Variants in TRIM66 observed in about 807,000 individuals in gnomAD.
TRIM66 encodes tripartite motif-containing protein 66.
A neutral mutation model predicts 148.2 loss-of-function variants in TRIM66; 99 were observed. The observed-to-expected ratio is 0.67, with a 90% CI of 0.57 to 0.79. The LOEUF (loss-of-function observed/expected upper bound fraction) is 0.79. TRIM66 is among the 30% of genes least tolerant of loss of function. The pLI is 0.00. For synonymous variants in TRIM66, 616 were observed against 635.9 expected (o/e 0.97, Z 0.47); for missense variants, 1,666 against 1,697.9 (o/e 0.98, Z 0.33).
chr11:8,676,234 C>CA (rs1341039579), intron 3 of TRIM66, among the ~76,000 whole-genome samples: 3 of 141,840 alleles, frequency 2.1e-5, no homozygotes, highest in Non-Finnish European at 3.1e-5. Context: ...AGGTAAACTT[C>CA]TTTTTTTTTT....
At chr11:8,674,694 A>T (rs2039097521) in intron 4 of TRIM66, 112 bp downstream of exon 4, 1 of 152,220 alleles carries the variant, frequency 6.6e-6, no homozygotes, top group African/African-American at 2.4e-5. Flanking sequence ...CCTAAAAAAA[A>T]AAAATCAACT....
At chr11:8,680,101 T>C (rs563147441) in intron 1 of TRIM66, 38 bp from the exon 2 acceptor site, 1 of 152,254 alleles carries the variant, frequency 6.6e-6, no homozygotes, top group Non-Finnish European at 1.5e-5. Flanking sequence ...CCTTAAAGGT[T>C]GAGGAAGATT....
chr11:8,656,590 G>A (rs974076144), intron 6 of TRIM66, among the ~76,000 whole-genome samples: 4 of 152,170 alleles, frequency 2.6e-5, no homozygotes, highest in Admixed American at 2.0e-4. Context: ...AACACTTCTG[G>A]TCCTTGAGAG....
Position 8,638,712 on chromosome 11 carries a change from A to C in TRIM66, c.2252T>G (p.Leu751Arg). ...LPQASGEETPLSVPPVDSTIQ... is the reference protein window; with the variant it reads ...LPQASGEETPRSVPPVDSTIQ... Reference sequence around the variant, plus strand: ...GGTGCTGTCCACTGGGGGGACACTGAGAGGGGTTTCTTCCCCAGACGCCTG... The same window carrying C: ...GGTGCTGTCCACTGGGGGGACACTGCGAGGGGTTTCTTCCCCAGACGCCTG... Residue 751 changes from leucine (L) to arginine (R), a missense_variant, in exon 15 of 25, where the codon CTC becomes CGC. Leu to Arg is a moderately radical substitution (Grantham distance 102, BLOSUM62 -2). Around this residue, in one of 3 missense-constraint regions of TRIM66, gnomAD observed 1,431 missense variants for 1,412.4 expected, o/e 1.01. Transcript: ENST00000646038. 1 of 1,549,616 alleles carries C rather than the reference A, an allele frequency of 6.5e-7. No individual in the cohort carries two copies. The highest frequency in any genetic ancestry group is 8.7e-7 in the Non-Finnish European group (1 of 1,146,192).
intron 24 of TRIM66, 43 bp from the exon 25 acceptor site, chr11:8,618,046 A>G: frequency 6.6e-7 from 1 of 1,524,668 alleles, no homozygotes; most frequent in Non-Finnish European, 8.9e-7. Flanking sequence ...AGCCAAATGT[A>G]GGATTTATTA....
intron 15 of TRIM66, among the ~76,000 whole-genome samples, chr11:8,631,943 A>C (rs1476599592): frequency 1.3e-5 from 2 of 152,156 alleles, no homozygotes; most frequent in Non-Finnish European, 2.9e-5. Flanking sequence ...CACTGTGTAA[A>C]TATGCAATAG....
intron 6 of TRIM66, among the ~76,000 whole-genome samples, chr11:8,658,147 G>T (rs1447032170): frequency 1.3e-5 from 2 of 152,196 alleles, no homozygotes; most frequent in Non-Finnish European, 2.9e-5. Flanking sequence ...CATTTCTCTA[G>T]CTCACCTGAG....
chr11:8,638,376 G>C (rs1335523523), intron 15 of TRIM66, among the ~76,000 whole-genome samples: 1 of 152,174 alleles, frequency 6.6e-6, no homozygotes, highest in Admixed American at 6.5e-5. Flanking sequence ...CAAGCACAGA[G>C]TACATGTTCA....
At chr11:8,644,497 C>A (rs1015440646) in intron 12 of TRIM66, 10 of 442,038 alleles carry the variant, frequency 2.3e-5, no homozygotes, top group African/African-American at 2.0e-4. Context: ...CTTCTACCCT[C>A]AAACTTAACT....
chr11:8,638,828 A>G lies in TRIM66; in HGVS notation c.2149-13T>C. On this transcript the variant is annotated splice_polypyrimidine_tract_variant and intron_variant, in intron 14 of 24. Transcript: ENST00000646038. ...GCTCATCTGTAGCCTGGAGAAGAAA[A>G]TAAGAACTTGGGTGGGTTTTACTGC... 2 of 1,549,620 alleles carry G rather than the reference A, an allele frequency of 1.3e-6. No individual in the cohort carries two copies. Among genetic ancestry groups the G allele is most frequent in the Non-Finnish European group, 1.7e-6 (2 of 1,146,476 alleles).
chr11:8,676,679 A>C (rs148166744), intron 3 of TRIM66, among the ~76,000 whole-genome samples: 179 of 152,368 alleles, frequency 1.2e-3, no homozygotes, highest in Middle Eastern at 3.4e-3. Context: ...TGATTTGAGA[A>C]GACGAAGGGT....
intron 6 of TRIM66, among the ~76,000 whole-genome samples, chr11:8,661,498 T>TC (rs1163777998): frequency 3.3e-5 from 5 of 152,150 alleles, no homozygotes; most frequent in Admixed American, 2.6e-4. Context: ...ACTGACACAC[T>TC]CCATGCAAAA....
intron 15 of TRIM66, among the ~76,000 whole-genome samples, chr11:8,627,995 CTT>C (rs1422946983): frequency 1.3e-5 from 2 of 152,056 alleles, no homozygotes; most frequent in East Asian, 3.9e-4. Flanking sequence ...CATTGGCTAA[CTT>C]TTATTTTTTA....
chr11:8,638,862 T>TAGC (rs1485437720), intron 14 of TRIM66, 47 bp from the exon 15 acceptor site: 3 of 1,532,300 alleles, frequency 2.0e-6, no homozygotes, highest in Non-Finnish European at 1.8e-6. Context: ...GCAGACAGCG[T>TAGC]AGCAGCAGCA....
At chr11:8,669,395 G>C (rs1398803735) in intron 6 of TRIM66, among the ~76,000 whole-genome samples, 1 of 152,170 alleles carries the variant, frequency 6.6e-6, no homozygotes, top group African/African-American at 2.4e-5. Flanking sequence ...TGTAATCCCA[G>C]CACTTTGGGA....
Position 8,619,421 on chromosome 11 carries a change from C to T in TRIM66, c.3862G>A (p.Val1288Met). The stretch of plus-strand genomic sequence containing the variant: ...GCACAGTTCCAGAACATGAGGCGCA[C>T]ATCTGATACCACCTCCTCTGGGGTG... ...YTTPEEVVSD[V>M]RLMFWNCAKF... Residue 1288 changes from valine (V) to methionine (M), a missense_variant, in exon 23 of 25, where the codon GTG (valine) becomes ATG (methionine). Physicochemically the swap from Val to Met is conservative, Grantham distance 21. This residue lies in a region of TRIM66 where 204 missense variants were observed against 231.0 expected (regional missense o/e 0.88). Coordinates refer to ENST00000646038, the MANE Select transcript of TRIM66 (RefSeq NM_001388022.1). 2 of 1,537,112 alleles carry T rather than the reference C, an allele frequency of 1.3e-6. No individual in the cohort carries two copies. Among genetic ancestry groups the T allele is most frequent in the Non-Finnish European group, 1.8e-6 (2 of 1,142,654 alleles).
rs2033595308 is a variant in TRIM66, at chr11:8,614,416, C to T, written c.*3528G>A. 1 of 152,152 alleles carries T rather than the reference C, an allele frequency of 6.6e-6. No individual in the cohort carries two copies. The highest frequency in any genetic ancestry group is 2.1e-4 in the South Asian group (1 of 4,820). 9.4% of individuals were successfully genotyped at this position (152,152 alleles called of 1,614,324 possible). A position where few individuals can be genotyped will look rare whatever the true frequency, so the allele number is the denominator to read the frequency against. On this transcript the variant is annotated 3_prime_UTR_variant, in exon 25 of 25. Coordinates refer to ENST00000646038, the MANE Select transcript of TRIM66 (RefSeq NM_001388022.1). Reference sequence around the variant, plus strand: ...AGAAAGTTCAGGATGCTGACAAAAACATCAGTGTGTGATAGGCTCTGGGTT... The same window carrying T: ...AGAAAGTTCAGGATGCTGACAAAAATATCAGTGTGTGATAGGCTCTGGGTT...
At chr11:8,659,683 G>A (rs1024032516) in intron 6 of TRIM66, among the ~76,000 whole-genome samples, 1 of 152,146 alleles carries the variant, frequency 6.6e-6, no homozygotes, top group African/African-American at 2.4e-5. Context: ...GTGGGTGTGG[G>A]ACTGGGAATC....
chr11:8,621,574 C>T (rs111385074), intron 19 of TRIM66, 71 bp downstream of exon 19: 10 of 1,449,608 alleles, frequency 6.9e-6, no homozygotes, highest in South Asian at 3.0e-5. Flanking sequence ...AGTCAGAATT[C>T]GGGCAGTAGC....
Sources: allele counts gnomAD v4.1 joint callset (sites outside exome capture counted in the v4.1 genomes callset), GRCh38; gene constraint gnomAD v4.1.1; regional missense constraint gnomAD v4.1.1; transcripts MANE v1.5; gene names NCBI Gene and HGNC (gene_info 2026-07-23, HGNC 2026-07-21).